The following KATNIP variants were observed in gnomAD, a reference collection of about 807,000 sequenced individuals.
KATNIP encodes the protein katanin interacting protein.
KATNIP carries 126 observed loss-of-function variants against 174.0 expected under a neutral mutation model. The observed-to-expected ratio is 0.72, with a 90% CI of 0.63 to 0.84. The LOEUF is 0.84. Ranked by LOEUF, KATNIP falls within the 40% of genes least tolerant of loss-of-function variation. The pLI is 0.00. For missense variants in KATNIP, 1,958 were observed against 2,109.7 expected (o/e 0.93, Z 1.41); for synonymous variants, 810 against 835.7 (o/e 0.97, Z 0.53).
chr16:27,639,201 A>G lies in KATNIP; in HGVS notation c.408+8039A>G, dbSNP rs2142239640. 2.0e-5 allele frequency among the ~76,000 whole-genome samples: 3 copies of G among 152,304 alleles called. No homozygotes were observed. The South Asian group carries it at 6.2e-4, about 32-fold the overall frequency. ...ACTCTGGCTCCTGGCCAAGAAGCCG[A>G]TGACTTCCACCTGTAAAACCCTTCC... is the stretch of plus-strand genomic sequence containing the variant. On this transcript the variant is annotated intron_variant, in intron 5 of 27. Transcript: ENST00000261588.
rs556806092 is a variant in KATNIP at position 27,719,476 on chromosome 16, G to A, written c.1606-2082G>A. Among the ~76,000 whole-genome samples the A allele has an allele frequency of 1.8e-4, 28 of 151,370 alleles. No individual in the cohort carries two copies. In the South Asian group the frequency reaches 2.3e-3, roughly 12 times the overall value. Reference sequence around the variant, plus strand: ...CAGCCTCCACCTTCTGGGTTCAAGCGATTCTCCTGCCTCAGCCTCCCCAGT... The same window carrying A: ...CAGCCTCCACCTTCTGGGTTCAAGCAATTCTCCTGCCTCAGCCTCCCCAGT... On this transcript the variant is annotated intron_variant, in intron 13 of 27. Transcript: ENST00000261588.
At chr16:27,608,317 A>C (rs934893262) in intron 2 of KATNIP, among the ~76,000 whole-genome samples, 3 of 140,250 alleles carry the variant, frequency 2.1e-5, no homozygotes, top group Non-Finnish European at 4.5e-5. Flanking sequence ...TGCAGCCTCG[A>C]CCTCCTGGAC....
intron 5 of KATNIP, among the ~76,000 whole-genome samples, chr16:27,634,621 C>T (rs978580393): frequency 1.3e-5 from 2 of 152,326 alleles, no homozygotes; most frequent in East Asian, 3.9e-4. Flanking sequence ...GCCCCGCAGC[C>T]TGGCTAGCCA....
chr16:27,607,868 TG>T (rs1567487934), intron 2 of KATNIP, among the ~76,000 whole-genome samples: 1 of 152,188 alleles, frequency 6.6e-6, no homozygotes, highest in African/African-American at 2.4e-5. Context: ...CCCAAAGTGC[TG>T]GGATTATAGG....
intron 13 of KATNIP, among the ~76,000 whole-genome samples, chr16:27,713,802 GTATATACATATATATATA>G (rs1353028988): frequency 2.2e-5 from 1 of 46,328 alleles, no homozygotes; most frequent in Non-Finnish European, 3.9e-5. Context: ...GTGTGTGTGT[GTATATACATATATATATA>G]TATATATATA....
intron 2 of KATNIP, among the ~76,000 whole-genome samples, chr16:27,600,905 A>T (rs989903487): frequency 6.6e-6 from 1 of 151,382 alleles, no homozygotes; most frequent in African/African-American, 2.4e-5. Flanking sequence ...AATTTTTTGT[A>T]TTTTTTTAGT....
At chr16:27,614,801 A>T (rs1044167409) in intron 2 of KATNIP, among the ~76,000 whole-genome samples, 4 of 152,146 alleles carry the variant, frequency 2.6e-5, no homozygotes, top group Admixed American at 2.6e-4. Flanking sequence ...GGAAGTCGGG[A>T]AGGAAAAGTA....
intron 8 of KATNIP, among the ~76,000 whole-genome samples, 181 bp from the exon 9 acceptor site, chr16:27,698,147 G>T (rs898570858): frequency 2.0e-5 from 3 of 152,148 alleles, no homozygotes; most frequent in Admixed American, 2.0e-4. Flanking sequence ...ACTGCATTCA[G>T]CCGTGTCTGC....
chr16:27,590,365 G>T (rs931944002), intron 2 of KATNIP, among the ~76,000 whole-genome samples: 1 of 150,282 alleles, frequency 6.7e-6, no homozygotes, highest in Non-Finnish European at 1.5e-5. Context: ...TATAGAGAAG[G>T]TGTCTCACAT....
chr16:27,648,293 A>C (rs768210246), intron 5 of KATNIP, among the ~76,000 whole-genome samples: 16 of 140,218 alleles, frequency 1.1e-4, no homozygotes, highest in African/African-American at 3.8e-4. Flanking sequence ...ATCCTGACTC[A>C]AAAAAAAAAA....
chr16:27,762,299 CA>C (rs1179631781), intron 19 of KATNIP, among the ~76,000 whole-genome samples: 1 of 152,212 alleles, frequency 6.6e-6, no homozygotes, highest in Non-Finnish European at 1.5e-5. Context: ...TCAATAATAA[CA>C]GCAATGCTAA....
chr16:27,717,701 G>A (rs2080018443), intron 13 of KATNIP, among the ~76,000 whole-genome samples: 2 of 152,072 alleles, frequency 1.3e-5, no homozygotes, highest in South Asian at 4.1e-4. Flanking sequence ...AGCACTTCAG[G>A]GCATGCTGAC....
In KATNIP at chr16:27,761,437, C is replaced by T. The variant is rs71389807; in HGVS notation, c.3656C>T (p.Ser1219Phe). 1 of 1,613,438 alleles carries T rather than the reference C, an allele frequency of 6.2e-7. No individual in the cohort carries two copies. The highest frequency in any genetic ancestry group is 8.5e-7 in the Non-Finnish European group (1 of 1,179,702). The part of the protein sequence containing the change: ...GICLQLNFTA[S>F]WGDLHYLGLT... ...GGCCTTCAGCTGAATTTCACTGCCT[C>T]CTGGGGAGACTTGCACTACCTGGGG... Residue 1219 changes from serine to phenylalanine, a missense_variant, in exon 19 of 28, where the codon TCC becomes TTC. Ser to Phe is a radical substitution (Grantham distance 155). Coordinates refer to ENST00000261588, the MANE Select transcript of KATNIP (RefSeq NM_015202.5).
chr16:27,586,026 G>A (rs1409051820), intron 2 of KATNIP, among the ~76,000 whole-genome samples: 1 of 152,094 alleles, frequency 6.6e-6, no homozygotes, highest in African/African-American at 2.4e-5. Flanking sequence ...ACTTAAACCA[G>A]GAAACAGAGG....
chr16:27,737,420 A>G (rs1036349683), intron 14 of KATNIP, among the ~76,000 whole-genome samples: 25 of 152,032 alleles, frequency 1.6e-4, no homozygotes, highest in African/African-American at 5.8e-4. Context: ...TGGGCATTTT[A>G]TATTGGAATT....
intron 8 of KATNIP, among the ~76,000 whole-genome samples, chr16:27,684,972 G>A (rs1301213824): frequency 6.6e-6 from 1 of 152,136 alleles, no homozygotes; most frequent in East Asian, 1.9e-4. Context: ...CATAATATAT[G>A]CTTTCATGTC....
chr16:27,749,991 A>G lies in KATNIP; in HGVS notation c.3031A>G (p.Ile1011Val), dbSNP rs757660602. ...SKGEPVQISN[I>V]KADPPDINIL... ...GGGTGAACCGGTGCAGATTTCAAAC[A>G]TAAAAGCAGACCCTCCCGATATCAA... Residue 1011 changes from isoleucine (I) to valine (V), a missense_variant, in exon 16 of 28, where the codon ATA (isoleucine) becomes GTA (valine). Ile to Val is a conservative substitution (Grantham distance 29, BLOSUM62 3). Coordinates refer to ENST00000261588, the MANE Select transcript of KATNIP (RefSeq NM_015202.5). 5 of 1,614,210 alleles carry G rather than the reference A, an allele frequency of 3.1e-6. No individual in the cohort carries two copies. Among genetic ancestry groups the G allele is most frequent in the Non-Finnish European group, 4.2e-6 (5 of 1,180,030 alleles).
At chr16:27,621,223 C>T (rs918279168) in intron 3 of KATNIP, among the ~76,000 whole-genome samples, 20 of 151,870 alleles carry the variant, frequency 1.3e-4, no homozygotes, top group Admixed American at 3.3e-4. Context: ...TTCAAGACTG[C>T]AGTGAGCTAT....
At chr16:27,715,053 C>T (rs1239698553) in intron 13 of KATNIP, among the ~76,000 whole-genome samples, 1 of 152,202 alleles carries the variant, frequency 6.6e-6, no homozygotes, top group Non-Finnish European at 1.5e-5. Flanking sequence ...TACGCCAACT[C>T]TGCAGTAATA....
Sources: allele counts gnomAD v4.1 joint callset (sites outside exome capture counted in the v4.1 genomes callset), GRCh38; gene constraint gnomAD v4.1.1; transcripts MANE v1.5; gene names NCBI Gene and HGNC (gene_info 2026-07-23, HGNC 2026-07-21).